CMIP: variants seen among roughly 807,000 people sequenced by gnomAD.
CMIP encodes the protein C-Maf-inducing protein.
In CMIP, 13 loss-of-function variants were observed where a neutral mutation model predicts 97.3. That is an observed-to-expected ratio of 0.13 (90% confidence interval 0.09 to 0.21). The LOEUF (loss-of-function observed/expected upper bound fraction) is 0.21. CMIP is among the 10% of genes least tolerant of loss of function. The pLI is 1.00. For synonymous variants in CMIP, 538 were observed against 436.3 expected, an observed-to-expected ratio of 1.23 and a Z score of -2.91; for missense variants, 847 against 1,024.9, an observed-to-expected ratio of 0.83 and a Z score of 2.37.
intron 7 of CMIP, among the ~76,000 whole-genome samples, chr16:81,667,797 A>AGT (rs1474036026): frequency 0.057 from 3,696 of 64,504 alleles, 16 homozygotes; most frequent in East Asian, 0.078. Context: ...AGAGAGAGAG[A>AGT]GAGTGTGTGT....
chr16:81,527,694 A>T (rs2150817478), intron 1 of CMIP, among the ~76,000 whole-genome samples: 1 of 152,320 alleles, frequency 6.6e-6, no homozygotes, highest in Non-Finnish European at 1.5e-5. Context: ...AAAGCAAATC[A>T]ATGCGTGTTC....
At chr16:81,624,291 A>T (rs2092030752) in intron 3 of CMIP, among the ~76,000 whole-genome samples, 2 of 152,246 alleles carry the variant, frequency 1.3e-5, no homozygotes, top group Non-Finnish European at 2.9e-5. Flanking sequence ...TATATGTGCC[A>T]TGTTGGTGTG....
rs558619588 is a variant in CMIP at position 81,452,885 on chromosome 16, G to T, written c.300+7344G>T. On this transcript the variant is annotated intron_variant, in intron 1 of 20. Transcript: ENST00000537098. ...TTTTCTTTTGTTTTTTTTTTGTTTTGTTTTTTTTTTTTTTTTTTTGCAAAC... is the reference window on the plus strand; with the variant it reads ...TTTTCTTTTGTTTTTTTTTTGTTTTTTTTTTTTTTTTTTTTTTTTGCAAAC... Among the ~76,000 whole-genome samples the T allele has an allele frequency of 5.6e-3, 727 of 129,022 alleles. 1 individual carries two copies. The highest frequency in any genetic ancestry group is 0.014 in the African/African-American group (483 of 34,534). The allele number at this position is 129,022 out of a possible 152,430, so 84.6% of individuals were successfully genotyped here.
intron 1 of CMIP, among the ~76,000 whole-genome samples, chr16:81,488,813 G>A (rs1477592661): frequency 6.6e-6 from 1 of 152,148 alleles, no homozygotes; most frequent in African/African-American, 2.4e-5. Flanking sequence ...TGGAAGACGG[G>A]GAGAGAATAA....
At chr16:81,704,596 C>T (rs555219812) in intron 18 of CMIP, among the ~76,000 whole-genome samples, 2 of 2,162 alleles carry the variant, frequency 9.3e-4, no homozygotes. Flanking sequence ...TCCCTGCCCC[C>T]TCACCCTCCT....
chr16:81,500,782 C>T (rs142248673), intron 1 of CMIP, among the ~76,000 whole-genome samples: 114 of 152,070 alleles, frequency 7.5e-4, no homozygotes, highest in African/African-American at 2.5e-3. Context: ...AGCCACTGTG[C>T]CCTCCCCGGC....
In CMIP at chr16:81,699,798, G is replaced by T; in HGVS notation, c.1752G>T (p.Val584=). ...CACTGAGGGGGAACCAGACCATGGT[G>T]GAGGTAAGGAGCTGGTCGGGGTCCC... ...LLALRGNQTM[V]EILCLMLEYN... is the part of the protein sequence containing the mutation. Residue 584 remains valine (V), a synonymous_variant, in exon 15 of 21, where the codon GTG becomes GTT. Coordinates refer to ENST00000537098, the MANE Select transcript of CMIP (RefSeq NM_198390.3). 9 of 1,605,656 alleles carry T rather than the reference G, an allele frequency of 5.6e-6. No individual in the cohort carries two copies. The highest frequency in any genetic ancestry group is 7.7e-6 in the Non-Finnish European group (9 of 1,173,156).
In CMIP at chr16:81,621,147, C is replaced by T. The variant is rs145238263; in HGVS notation, c.477+221C>T. On this transcript the variant is annotated intron_variant, in intron 3 of 20. Coordinates refer to ENST00000537098, the MANE Select transcript of CMIP (RefSeq NM_198390.3). The surrounding 1 kb of genome is among the most constrained non-coding windows in gnomAD (Gnocchi z 4.1). ...GAAATAGCATTCTCGCCCTGGTGTT[C>T]TCAAACCCTATAGCTGTTTTCCTGC... 2.5e-4 allele frequency: 135 copies of T among 530,642 alleles called. No individual in the cohort carries two copies. In the East Asian group the frequency reaches 3.3e-3, roughly 13 times the overall value. 32.9% of individuals were successfully genotyped at this position (530,642 alleles called of 1,614,324 possible).
intron 1 of CMIP, among the ~76,000 whole-genome samples, chr16:81,596,074 C>A (rs1022663678): frequency 6.6e-6 from 1 of 152,070 alleles, no homozygotes; most frequent in Non-Finnish European, 1.5e-5. Context: ...TTTGGTTTTT[C>A]TCTATCCATC....
intron 10 of CMIP, among the ~76,000 whole-genome samples, chr16:81,685,760 C>CT (rs1162943148): frequency 6.9e-6 from 1 of 144,734 alleles, no homozygotes; most frequent in Non-Finnish European, 1.5e-5. Context: ...GATGGGATCT[C>CT]TTTATGTTGC....
chr16:81,620,689 C>A (rs751022906), intron 2 of CMIP, 187 bp from the exon 3 acceptor site: 125 of 603,544 alleles, frequency 2.1e-4, no homozygotes, highest in Middle Eastern at 4.6e-4. Flanking sequence ...TCCTCCCTGA[C>A]CAGCCCTTCT....
chr16:81,700,465 C>G (rs72831126), intron 15 of CMIP: 26,509 of 152,784 alleles, frequency 0.17, 2,469 homozygotes, highest in East Asian at 0.2. Context: ...CCAAGGGAAC[C>G]AAGGCAGAAG....
intron 1 of CMIP, among the ~76,000 whole-genome samples, chr16:81,449,150 C>G (rs574805813): frequency 2.0e-5 from 3 of 152,326 alleles, no homozygotes; most frequent in Admixed American, 6.5e-5. Flanking sequence ...TTTATTTCAT[C>G]TTACTTTTAA....
chr16:81,589,945 G>A (rs1381369705), intron 1 of CMIP, among the ~76,000 whole-genome samples: 2 of 152,240 alleles, frequency 1.3e-5, no homozygotes. Flanking sequence ...CAAGATCTCA[G>A]AGAAGACATT....
chr16:81,639,341 C>T (rs1430806602), intron 3 of CMIP, among the ~76,000 whole-genome samples: 1 of 152,172 alleles, frequency 6.6e-6, no homozygotes, highest in Non-Finnish European at 1.5e-5. Context: ...TTCACGTTGC[C>T]GTGCTGCTGT....
chr16:81,696,958 C>T, intron 14 of CMIP: 1 of 474,008 alleles, frequency 2.1e-6, no homozygotes, highest in South Asian at 2.7e-5. Flanking sequence ...ATACCCAAGG[C>T]AGCTAAAGCC....
intron 12 of CMIP, 61 bp from the exon 13 acceptor site, chr16:81,693,378 C>T: frequency 6.3e-7 from 1 of 1,580,186 alleles, no homozygotes; most frequent in Non-Finnish European, 8.6e-7. Flanking sequence ...CCCTCCCCTT[C>T]CCACACCTCC....
At chr16:81,481,643 G>A (rs1445845907) in intron 1 of CMIP, among the ~76,000 whole-genome samples, 2 of 152,198 alleles carry the variant, frequency 1.3e-5, no homozygotes, top group Non-Finnish European at 2.9e-5. Context: ...AATGACCACA[G>A]GCTTTGTGGC....
chr16:81,589,134 T>C lies in CMIP; in HGVS notation c.301-18433T>C, dbSNP rs555298173. Among the ~76,000 whole-genome samples the C allele has an allele frequency of 1.1e-4, 17 of 152,176 alleles. No homozygotes were observed. In the East Asian group the frequency reaches 3.3e-3, roughly 29 times the overall value. ...TTTGAGGCAGTGTGTCACCCTGTGG[T>C]CCAGGCTGCTGCAGTGCAGTGGCGT... On this transcript the variant is annotated intron_variant, in intron 1 of 20. Transcript: ENST00000537098.
Sources: allele counts gnomAD v4.1 joint callset (sites outside exome capture counted in the v4.1 genomes callset), GRCh38; gene constraint gnomAD v4.1.1; non-coding constraint Gnocchi (gnomAD v3.1); transcripts MANE v1.5; gene names NCBI Gene and HGNC (gene_info 2026-07-23, HGNC 2026-07-21).